IMMP2L: variants seen among roughly 807,000 people sequenced by gnomAD.
IMMP2L encodes mitochondrial inner membrane protease subunit 2.
A neutral mutation model predicts 19.3 loss-of-function variants in IMMP2L; 18 were observed. That is an observed-to-expected ratio of 0.93 (90% CI 0.64 to 1.38). The LOEUF (loss-of-function observed/expected upper bound fraction) is 1.38. IMMP2L is among the 40% of genes most tolerant of loss of function. IMMP2L has a pLI of 0.00. For missense variants in IMMP2L, 233 were observed against 218.2 expected (o/e 1.07, Z -0.43); for synonymous variants, 76 against 73.0 (o/e 1.04, Z -0.21).
At chr7:111,218,982 A>G (rs368687109) in intron 3 of IMMP2L, among the ~76,000 whole-genome samples, 1 of 152,032 alleles carries the variant, frequency 6.6e-6, no homozygotes, top group Non-Finnish European at 1.5e-5. Flanking sequence ...TAGAATATCT[A>G]TACAAGATCA....
chr7:110,670,354 T>C (rs1791805141), intron 5 of IMMP2L, among the ~76,000 whole-genome samples: 1 of 152,170 alleles, frequency 6.6e-6, no homozygotes, highest in African/African-American at 2.4e-5. Flanking sequence ...TGCGGTATTT[T>C]GTTATGAGAG....
chr7:110,689,690 T>G (rs1793361991), intron 5 of IMMP2L, among the ~76,000 whole-genome samples: 1 of 152,170 alleles, frequency 6.6e-6, no homozygotes, highest in South Asian at 2.1e-4. Flanking sequence ...ATTGTTATGC[T>G]TGTCTTATCT....
At chr7:111,039,305 A>T (rs1585895705) in intron 3 of IMMP2L, among the ~76,000 whole-genome samples, 1 of 152,230 alleles carries the variant, frequency 6.6e-6, no homozygotes, top group Admixed American at 6.5e-5. Context: ...CGTAAAAAAT[A>T]TAGTGTGGTC....
intron 5 of IMMP2L, among the ~76,000 whole-genome samples, chr7:110,719,092 C>T (rs1008396339): frequency 2.0e-5 from 3 of 152,110 alleles, no homozygotes; most frequent in Non-Finnish European, 4.4e-5. Flanking sequence ...TAAGGAAAAT[C>T]GGGTGATTAA....
chr7:111,279,922 TCTC>T, intron 3 of IMMP2L, among the ~76,000 whole-genome samples: 1 of 152,234 alleles, frequency 6.6e-6, no homozygotes, highest in South Asian at 2.1e-4. Context: ...TATCCAGTTT[TCTC>T]CATCTTTAAT....
intron 3 of IMMP2L, among the ~76,000 whole-genome samples, chr7:111,448,417 C>T (rs1838754765): frequency 6.6e-6 from 1 of 151,684 alleles, no homozygotes; most frequent in East Asian, 1.9e-4. Context: ...CTAAAAGCCG[C>T]TCAACTACAT....
At chr7:110,980,606 GT>G in intron 3 of IMMP2L, among the ~76,000 whole-genome samples, 1 of 152,250 alleles carries the variant, frequency 6.6e-6, no homozygotes, top group East Asian at 1.9e-4. Context: ...GATTCAGTGA[GT>G]TTTTACATGA....
intron 1 of IMMP2L, among the ~76,000 whole-genome samples, chr7:111,526,769 A>C (rs1237552341): frequency 6.6e-6 from 1 of 152,200 alleles, no homozygotes; most frequent in African/African-American, 2.4e-5. Context: ...TAAGAGGCAC[A>C]GAATGGAAAC....
intron 3 of IMMP2L, among the ~76,000 whole-genome samples, chr7:111,318,884 G>A (rs753045765): frequency 1.3e-5 from 2 of 151,852 alleles, no homozygotes; most frequent in African/African-American, 4.8e-5. Flanking sequence ...ATCATGATTC[G>A]ACCATTAGCC....
chr7:111,008,993 T>C (rs1425948020), intron 3 of IMMP2L, among the ~76,000 whole-genome samples: 1 of 152,100 alleles, frequency 6.6e-6, no homozygotes, highest in Non-Finnish European at 1.5e-5. Flanking sequence ...ACATTGATTG[T>C]TTTCAAATTT....
chr7:111,268,569 CTTTTTTTTTTTTTTTTTTTTTTT>C lies in IMMP2L; in HGVS notation c.239+218646_239+218668del, dbSNP rs762576425. Among the ~76,000 whole-genome samples, 29 of 44,592 alleles carry C rather than the reference CTTTTTTTTTTTTTTTTTTTTTTT, an allele frequency of 6.5e-4. 1 individual carries two copies. The highest frequency in any genetic ancestry group is 1.5e-3 in the East Asian group (2 of 1,324). The allele number at this position is 44,592 out of a possible 152,430, so 29.3% of individuals were successfully genotyped here. ...GATATGAGTTAAACTTCACATTTCT[CTTTTTTTTTTTTTTTTTTTTTTT>C]TTTTTTTTTTTTTTTTTTGAGACCA... On this transcript the variant is annotated intron_variant, in intron 3 of 5. Coordinates refer to ENST00000405709, the MANE Select transcript of IMMP2L (RefSeq NM_032549.4).
intron 5 of IMMP2L, among the ~76,000 whole-genome samples, chr7:110,694,247 A>G (rs1254099488): frequency 6.6e-6 from 1 of 152,208 alleles, no homozygotes; most frequent in African/African-American, 2.4e-5. Context: ...ATAGACTAGA[A>G]TTTATTGTTC....
chr7:111,454,173 G>A (rs139031857), intron 3 of IMMP2L, among the ~76,000 whole-genome samples: 1 of 152,008 alleles, frequency 6.6e-6, no homozygotes, highest in Non-Finnish European at 1.5e-5. Flanking sequence ...TGCTTTGTCA[G>A]CTAGGCTGGA....
intron 3 of IMMP2L, among the ~76,000 whole-genome samples, chr7:111,061,122 G>A (rs1269690527): frequency 6.6e-6 from 1 of 152,308 alleles, no homozygotes; most frequent in Non-Finnish European, 1.5e-5. Context: ...CTGAGACGGA[G>A]GAGTTTCATG....
intron 3 of IMMP2L, among the ~76,000 whole-genome samples, chr7:111,035,639 A>T (rs552974785): frequency 6.6e-6 from 1 of 152,350 alleles, no homozygotes; most frequent in East Asian, 1.9e-4. Context: ...GACACAAGCT[A>T]TGGCTAGATA....
intron 3 of IMMP2L, among the ~76,000 whole-genome samples, chr7:111,448,974 T>C (rs1838834178): frequency 6.7e-6 from 1 of 149,752 alleles, no homozygotes; most frequent in Non-Finnish European, 1.5e-5. Flanking sequence ...ATGGATACAT[T>C]CCTCGACACA....
At chr7:111,072,773 T>C (rs1388972428) in intron 3 of IMMP2L, among the ~76,000 whole-genome samples, 1 of 152,000 alleles carries the variant, frequency 6.6e-6, no homozygotes, top group Non-Finnish European at 1.5e-5. Context: ...TAGGCATCTG[T>C]AGTCTCAGCT....
At chr7:111,154,700 A>T (rs2129604042) in intron 3 of IMMP2L, among the ~76,000 whole-genome samples, 1 of 152,308 alleles carries the variant, frequency 6.6e-6, no homozygotes, top group Middle Eastern at 3.4e-3. Flanking sequence ...ATTTAACACA[A>T]GAGATGGCTG....
intron 3 of IMMP2L, among the ~76,000 whole-genome samples, chr7:111,141,037 A>G (rs1295542923): frequency 6.6e-6 from 1 of 152,174 alleles, no homozygotes; most frequent in Non-Finnish European, 1.5e-5. Flanking sequence ...TTGAAAAATG[A>G]ATGGCTAGTT....
Sources: gnomAD v4.1 joint callset for allele counts (sites outside exome capture counted in the v4.1 genomes callset) on GRCh38, gnomAD v4.1.1 for gene constraint, MANE v1.5 for transcripts, NCBI Gene and HGNC (gene_info 2026-07-23, HGNC 2026-07-21) for gene names.